Variants in MTHFD2L observed in about 807,000 individuals in gnomAD.
MTHFD2L encodes bifunctional methylenetetrahydrofolate dehydrogenase/cyclohydrolase 2, mitochondrial.
In MTHFD2L, 29 loss-of-function variants were observed where a neutral mutation model predicts 34.9. The observed-to-expected ratio is 0.83, with a 90% CI of 0.62 to 1.13. The LOEUF is 1.13. Ranked by LOEUF, MTHFD2L falls within the 50% of genes most tolerant of loss-of-function variation. The pLI is 0.00. For missense variants in MTHFD2L, 481 were observed against 446.5 expected, an observed-to-expected ratio of 1.08 and a Z score of -0.70; for synonymous variants, 167 against 155.7, an observed-to-expected ratio of 1.07 and a Z score of -0.54.
chr4:74,160,975 G>A (rs550903803), intron 1 of MTHFD2L: 1 of 152,284 alleles, frequency 6.6e-6, no homozygotes, highest in South Asian at 2.1e-4. Context: ...GATATCCCAA[G>A]CATTCCATGT....
chr4:74,245,471 A>C (rs952659512), intron 6 of MTHFD2L, among the ~76,000 whole-genome samples: 1 of 139,390 alleles, frequency 7.2e-6, no homozygotes, highest in South Asian at 2.2e-4. Context: ...TAATTATTGG[A>C]TTTTCAATAA....
chr4:74,147,354 C>T (rs1175674123), intron 1 of MTHFD2L, among the ~76,000 whole-genome samples: 10 of 152,228 alleles, frequency 6.6e-5, no homozygotes, highest in Admixed American at 3.9e-4. Flanking sequence ...AGAAGGATTC[C>T]AGAAGGTTAT....
intron 1 of MTHFD2L, among the ~76,000 whole-genome samples, chr4:74,163,114 T>C (rs957147432): frequency 6.6e-6 from 1 of 152,148 alleles, no homozygotes; most frequent in Admixed American, 6.5e-5. Flanking sequence ...AACAAATACA[T>C]AATATCATCA....
At chr4:74,268,404 C>A (rs1745570798) in intron 6 of MTHFD2L, among the ~76,000 whole-genome samples, 1 of 151,796 alleles carries the variant, frequency 6.6e-6, no homozygotes, top group Non-Finnish European at 1.5e-5. Flanking sequence ...CCTTTTATAT[C>A]TGAGTTAGAG....
In MTHFD2L at chr4:74,150,770, C is replaced by CGT. The variant is rs918741925; in HGVS notation, c.-296-9274_-296-9273dup. 2.4e-4 allele frequency among the ~76,000 whole-genome samples: 37 copies of CGT among 151,370 alleles called. 1 individual carries two copies. Among genetic ancestry groups the CGT allele is most frequent in the Admixed American group, 2.0e-3 (31 of 15,186 alleles). On this transcript the variant is annotated intron_variant, in intron 1 of 7. Coordinates refer to the MTHFD2L transcript ENST00000433372. Reference sequence around the variant, plus strand: ...ACAGGTATACATGTGTATATGTATACGTGTGTGTGTGTATATATATATAAA... The same window carrying CGT: ...ACAGGTATACATGTGTATATGTATACGTGTGTGTGTGTGTATATATATATAAA...
intron 2 of MTHFD2L, 60 bp from the exon 3 acceptor site, chr4:74,175,221 T>G (rs914275845): frequency 7.7e-6 from 12 of 1,564,890 alleles, no homozygotes; most frequent in African/African-American, 5.4e-5. Context: ...TGTCAGACAC[T>G]ATTGATGAAA....
At chr4:74,224,302 G>A (rs1738785654) in intron 5 of MTHFD2L, among the ~76,000 whole-genome samples, 1 of 152,110 alleles carries the variant, frequency 6.6e-6, no homozygotes, top group Non-Finnish European at 1.5e-5. Flanking sequence ...CAATTTCAGA[G>A]ATCTGCCGCT....
intron 6 of MTHFD2L, among the ~76,000 whole-genome samples, chr4:74,280,922 T>C (rs1003141323): frequency 6.6e-6 from 1 of 152,102 alleles, no homozygotes; most frequent in Non-Finnish European, 1.5e-5. Context: ...CTTTACTGTT[T>C]ATGACAACCC....
chr4:74,242,565 A>G (rs1277184628), intron 6 of MTHFD2L, among the ~76,000 whole-genome samples: 1 of 152,224 alleles, frequency 6.6e-6, no homozygotes, highest in Non-Finnish European at 1.5e-5. Flanking sequence ...TGATTTGCTT[A>G]TGATCGTACA....
intron 7 of MTHFD2L, among the ~76,000 whole-genome samples, chr4:74,299,166 A>G (rs1237163296): frequency 1.3e-5 from 2 of 151,992 alleles, no homozygotes; most frequent in African/African-American, 2.4e-5. Context: ...GTTTTCTGAT[A>G]TAACAAATTG....
chr4:74,274,991 G>A (rs1162209034), intron 6 of MTHFD2L, among the ~76,000 whole-genome samples: 1 of 152,128 alleles, frequency 6.6e-6, no homozygotes, highest in Non-Finnish European at 1.5e-5. Context: ...TGTGCAGAAT[G>A]TGCAGGTTTA....
chr4:74,274,981 T>G (rs529252406), intron 6 of MTHFD2L, among the ~76,000 whole-genome samples: 1 of 152,174 alleles, frequency 6.6e-6, no homozygotes, highest in Non-Finnish European at 1.5e-5. Context: ...CCAGGATACA[T>G]GTGCAGAATG....
intron 6 of MTHFD2L, among the ~76,000 whole-genome samples, chr4:74,254,716 A>G (rs777601732): frequency 3.3e-5 from 5 of 152,196 alleles, no homozygotes; most frequent in Non-Finnish European, 5.9e-5. Flanking sequence ...CTCATTGTGA[A>G]GGTAAGAATA....
intron 3 of MTHFD2L, chr4:74,195,428 C>T (rs1733301616): frequency 6.6e-6 from 1 of 152,144 alleles, no homozygotes; most frequent in South Asian, 2.1e-4. Flanking sequence ...ATAATGTTCA[C>T]TCAAAGTAGA....
intron 7 of MTHFD2L, among the ~76,000 whole-genome samples, chr4:74,282,408 C>G (rs372474004): frequency 7.2e-5 from 11 of 151,984 alleles, no homozygotes; most frequent in South Asian, 6.2e-4. Flanking sequence ...ATAGGTGTGT[C>G]CTTCTTACAG....
intron 5 of MTHFD2L, among the ~76,000 whole-genome samples, chr4:74,202,470 T>C (rs146986486): frequency 6.6e-6 from 1 of 152,294 alleles, no homozygotes; most frequent in African/African-American, 2.4e-5. Context: ...CCAGCCTGAC[T>C]GAACCACCAC....
chr4:74,298,191 T>C (rs1167823206), intron 7 of MTHFD2L, among the ~76,000 whole-genome samples: 1 of 152,090 alleles, frequency 6.6e-6, no homozygotes, highest in African/African-American at 2.4e-5. Context: ...TAAGCAAGTA[T>C]TTTAATAACC....
intron 1 of MTHFD2L, among the ~76,000 whole-genome samples, chr4:74,159,180 T>C (rs1430154842): frequency 6.6e-6 from 1 of 152,218 alleles, no homozygotes; most frequent in East Asian, 1.9e-4. Flanking sequence ...TTGTGTACAT[T>C]TAGATCTTAG....
At chr4:74,286,119 A>G (rs1034223585) in intron 7 of MTHFD2L, among the ~76,000 whole-genome samples, 4 of 152,190 alleles carry the variant, frequency 2.6e-5, no homozygotes, top group Admixed American at 1.3e-4. Context: ...TTCCAGTTAC[A>G]GAACTTGACA....
Sources: allele counts gnomAD v4.1 joint callset (sites outside exome capture counted in the v4.1 genomes callset), GRCh38; gene constraint gnomAD v4.1.1; transcripts MANE v1.5; gene names NCBI Gene and HGNC (gene_info 2026-07-23, HGNC 2026-07-21).